ADD2: variants seen among roughly 807,000 people sequenced by gnomAD.
The protein encoded by ADD2 is adducin 2, also known as beta-adducin.
A neutral mutation model predicts 83.0 loss-of-function variants in ADD2; 23 were observed. The ratio of observed to expected loss-of-function variants is 0.28; its 90% CI spans 0.20 to 0.39. The LOEUF is 0.39. Ranked by LOEUF, ADD2 falls within the 10% of genes least tolerant of loss-of-function variation. The probability of loss-of-function intolerance (pLI) is 1.00; values close to 1 mark genes in which losing one functional copy is unlikely to be tolerated. For missense variants in ADD2, 758 were observed against 944.9 expected (o/e 0.80, Z 2.59); for synonymous variants, 375 against 375.4 (o/e 1.00, Z 0.01).
At chr2:70,722,235 G>T (rs1367565965) in intron 1 of ADD2, among the ~76,000 whole-genome samples, 1 of 152,026 alleles carries the variant, frequency 6.6e-6, no homozygotes, top group Non-Finnish European at 1.5e-5. Context: ...AACGAGCATT[G>T]GCATGACTGT....
At position 70,663,455 on chromosome 2, in the gene ADD2, C is replaced by G; in HGVS notation, c.2151G>C (p.Lys717Asn). The change falls in exon 16 of 16, where the codon AAG becomes AAC. Residue 717 changes from lysine to asparagine, a missense_variant. By Grantham distance (94) the Lys-to-Asn change is moderately conservative (BLOSUM62 0). This residue lies in a region of ADD2 where 165 missense variants were observed against 176.2 expected (regional missense o/e 0.94). Coordinates refer to ENST00000264436, the MANE Select transcript of ADD2 (RefSeq NM_001617.4). ...KKFRTPSFLKKSKKKEKVES is the reference protein window; with the variant it reads ...KKFRTPSFLKNSKKKEKVES ...ACTCCACTTTCTCCTTCTTTTTGCT[C>G]TTTTTCAGGAAGGAGGGGGTTCGGA... 2 of 1,613,104 alleles carry G rather than the reference C, an allele frequency of 1.2e-6. No individual in the cohort carries two copies. The highest frequency in any genetic ancestry group is 2.2e-5 in the East Asian group (1 of 44,870).
intron 4 of ADD2, among the ~76,000 whole-genome samples, chr2:70,702,784 A>G (rs1671664209): frequency 6.6e-6 from 1 of 152,200 alleles, no homozygotes; most frequent in Non-Finnish European, 1.5e-5. Flanking sequence ...AGAAAATAAT[A>G]CACTAATAGG....
intron 4 of ADD2, among the ~76,000 whole-genome samples, chr2:70,704,109 G>T (rs184657872): frequency 2.6e-5 from 4 of 152,080 alleles, no homozygotes; most frequent in African/African-American, 9.7e-5. Context: ...TGGCATTGGG[G>T]TAATTTTTCT....
chr2:70,741,057 CT>C (rs1673872260), intron 1 of ADD2, among the ~76,000 whole-genome samples: 1 of 152,094 alleles, frequency 6.6e-6, no homozygotes, highest in African/African-American at 2.4e-5. Context: ...GTTCCTGCTC[CT>C]TTGTCAAATT....
intron 1 of ADD2, among the ~76,000 whole-genome samples, chr2:70,766,401 ATAAAG>A (rs1675383602): frequency 6.6e-6 from 1 of 152,256 alleles, no homozygotes; most frequent in African/African-American, 2.4e-5. Context: ...GTAGAACCTT[ATAAAG>A]TAAAAATATT....
chr2:70,704,263 T>TGCCCCCCCCCCCCCCCCCCCCCCCCCAC, intron 4 of ADD2, 58 bp downstream of exon 4: 3 of 913,238 alleles, frequency 3.3e-6, no homozygotes, highest in Non-Finnish European at 5.1e-6. Context: ...CTCCCTCTCT[T>TGCCCCCCCCCCCCCCCCCCCCCCCCCAC]CCCCACCCCA....
intron 1 of ADD2, among the ~76,000 whole-genome samples, chr2:70,754,573 G>A (rs1553383499): frequency 6.7e-6 from 1 of 150,298 alleles, no homozygotes; most frequent in African/African-American, 2.4e-5. Flanking sequence ...CTCATTCTCC[G>A]AGGACTCCAG....
chr2:70,753,290 C>T (rs1674605355), intron 1 of ADD2, among the ~76,000 whole-genome samples: 1 of 152,078 alleles, frequency 6.6e-6, no homozygotes, highest in Admixed American at 6.6e-5. Flanking sequence ...ATATGGAGGT[C>T]ATCTTCAATG....
intron 1 of ADD2, among the ~76,000 whole-genome samples, chr2:70,727,581 A>G (rs1673070242): frequency 6.6e-6 from 1 of 151,988 alleles, no homozygotes; most frequent in South Asian, 2.1e-4. Flanking sequence ...GCCTTGACTC[A>G]CTGGCTCCTT....
At chr2:70,757,371 G>A (rs1553384052) in intron 1 of ADD2, among the ~76,000 whole-genome samples, 1 of 152,000 alleles carries the variant, frequency 6.6e-6, no homozygotes, top group African/African-American at 2.4e-5. Flanking sequence ...ATGAACAAGT[G>A]TTGCCTTAAA....
chr2:70,658,671 G>A lies in ADD2; in HGVS notation c.*4754C>T, dbSNP rs184091590. On this transcript the variant is annotated 3_prime_UTR_variant, in exon 16 of 16. Coordinates refer to ENST00000264436, the MANE Select transcript of ADD2 (RefSeq NM_001617.4). ...GTTCAACTGAGCTCCAGTGATGAGAGAGAATGTAAAAAGACCTGTTTCCTC... is the reference window on the plus strand; with the variant it reads ...GTTCAACTGAGCTCCAGTGATGAGAAAGAATGTAAAAAGACCTGTTTCCTC... The A allele has an allele frequency of 1.3e-5, 2 of 152,264 alleles. No homozygotes were observed. Among genetic ancestry groups the A allele is most frequent in the African/African-American group, 2.4e-5 (1 of 41,530 alleles). 9.4% of individuals were successfully genotyped at this position (152,264 alleles called of 1,614,324 possible).
intron 1 of ADD2, among the ~76,000 whole-genome samples, chr2:70,719,585 A>G (rs782206965): frequency 6.6e-6 from 1 of 152,230 alleles, no homozygotes; most frequent in Non-Finnish European, 1.5e-5. Flanking sequence ...GTGCTGAGCT[A>G]GCAGGATGGC....
At chr2:70,723,928 C>T (rs1201010936) in intron 1 of ADD2, among the ~76,000 whole-genome samples, 1 of 152,198 alleles carries the variant, frequency 6.6e-6, no homozygotes, top group Non-Finnish European at 1.5e-5. Context: ...CCCCACCTCT[C>T]ACCACTTAGA....
chr2:70,678,574 T>C (rs1670294706), intron 11 of ADD2, 130 bp downstream of exon 11: 2 of 1,341,050 alleles, frequency 1.5e-6, no homozygotes, highest in African/African-American at 1.5e-5. Flanking sequence ...AGAGGCCTAA[T>C]AGGAAGCCCA....
chr2:70,755,489 T>C (rs1553383666), intron 1 of ADD2, among the ~76,000 whole-genome samples: 1 of 152,236 alleles, frequency 6.6e-6, no homozygotes, highest in Non-Finnish European at 1.5e-5. Flanking sequence ...GCTTAGTGTC[T>C]GTCTCTCCTC....
intron 9 of ADD2, among the ~76,000 whole-genome samples, chr2:70,685,514 T>C (rs1483024237): frequency 6.6e-6 from 1 of 152,186 alleles, no homozygotes; most frequent in East Asian, 1.9e-4. Context: ...GGCACAGACC[T>C]GGGCACCAGG....
intron 13 of ADD2, chr2:70,675,838 C>T: frequency 4.1e-6 from 4 of 985,334 alleles, no homozygotes; most frequent in Non-Finnish European, 4.8e-6. Context: ...GTATAAATGG[C>T]AGGGGAGATT....
chr2:70,761,623 G>A (rs1359584388), intron 1 of ADD2, among the ~76,000 whole-genome samples: 11 of 142,180 alleles, frequency 7.7e-5, no homozygotes, highest in Non-Finnish European at 1.2e-4. Context: ...AGGAAGGAAG[G>A]AATTAAAGTA....
chr2:70,756,913 C>A (rs1674823896), intron 1 of ADD2, among the ~76,000 whole-genome samples: 1 of 152,026 alleles, frequency 6.6e-6, no homozygotes, highest in African/African-American at 2.4e-5. Flanking sequence ...ACTGCAAACT[C>A]TGCCTCCCAG....
Sources: gnomAD v4.1 joint callset for allele counts (sites outside exome capture counted in the v4.1 genomes callset) on GRCh38, gnomAD v4.1.1 for gene constraint, gnomAD v4.1.1 regional missense constraint, MANE v1.5 for transcripts, NCBI Gene and HGNC (gene_info 2026-07-23, HGNC 2026-07-21) for gene names.